Variants in NTM observed in about 807,000 individuals in gnomAD.
NTM encodes the protein neurotrimin, also known as IgLON family member 2.
Under a neutral mutation model 42.1 loss-of-function variants are expected in NTM, and 13 were observed. The ratio of observed to expected loss-of-function variants is 0.31; its 90% confidence interval spans 0.20 to 0.49. NTM has a LOEUF of 0.49. NTM is among the 20% of genes least tolerant of loss of function. The pLI, the probability that NTM is intolerant of heterozygous loss-of-function variation, is 0.99. For synonymous variants in NTM, 187 were observed against 179.2 expected (o/e 1.04, Z -0.35); for missense variants, 373 against 452.8 (o/e 0.82, Z 1.60).
chr11:132,043,319 G>T (rs1264574637), intron 2 of NTM, among the ~76,000 whole-genome samples: 1 of 152,204 alleles, frequency 6.6e-6, no homozygotes, highest in Non-Finnish European at 1.5e-5. Flanking sequence ...TAATGAGTTT[G>T]TCAGAAGCAA....
At chr11:131,913,013 C>A (rs1390672523) in intron 2 of NTM, among the ~76,000 whole-genome samples, 1 of 152,114 alleles carries the variant, frequency 6.6e-6, no homozygotes, top group East Asian at 1.9e-4. Context: ...TGGTGAACTC[C>A]TAGTTATTTG....
intron 2 of NTM, among the ~76,000 whole-genome samples, chr11:132,081,989 G>A (rs988295244): frequency 8.2e-5 from 12 of 146,470 alleles, no homozygotes; most frequent in African/African-American, 3.0e-4. Context: ...GCAATTGCTG[G>A]CACAGAGAAT....
chr11:131,846,408 G>A (rs2044908171), intron 1 of NTM, among the ~76,000 whole-genome samples: 2 of 151,846 alleles, frequency 1.3e-5, no homozygotes, highest in Non-Finnish European at 2.9e-5. Context: ...TATATTCTTT[G>A]GGTTTACTCT....
chr11:131,395,756 G>A (rs574532926), intron 1 of NTM, among the ~76,000 whole-genome samples: 8 of 152,324 alleles, frequency 5.3e-5, no homozygotes, highest in South Asian at 2.1e-4. Context: ...TGGGAATGGC[G>A]TGGTGGGGTT....
At position 131,969,248 on chromosome 11, in the gene NTM, G is replaced by C. The variant is rs189072473; in HGVS notation, c.167+57600G>C. Reference sequence around the variant, plus strand: ...GTTCATGTGTCCTGCAGTTCCTCTTGAGTGAGCACCAAGAAATACTAGCCT... The same window carrying C: ...GTTCATGTGTCCTGCAGTTCCTCTTCAGTGAGCACCAAGAAATACTAGCCT... On this transcript the variant is annotated intron_variant, in intron 2 of 8. Transcript: ENST00000683400. 2.0e-5 allele frequency among the ~76,000 whole-genome samples: 3 copies of C among 152,252 alleles called. No individual in the cohort carries two copies. The East Asian group carries it at 5.8e-4, about 29-fold the overall frequency.
chr11:132,278,962 C>G (rs920877038), intron 4 of NTM, among the ~76,000 whole-genome samples: 2 of 152,146 alleles, frequency 1.3e-5, no homozygotes, highest in African/African-American at 4.8e-5. Flanking sequence ...CTCCTGAGAG[C>G]CAAATCCAAA....
Position 132,212,075 on chromosome 11 carries a change from A to G in NTM, c.454A>G (p.Asn152Asp). The part of the protein sequence containing the change: ...SSDISINEGN[N>D]ISLTCIATGR... ...AGATATCTCCATTAATGAAGGGAAC[A>G]ATATTAGCCTCACCTGCATAGCAAC... Residue 152 changes from asparagine to aspartate, a missense_variant, in exon 4 of 9, where the codon AAT (asparagine) becomes GAT (aspartate). Physicochemically the swap from Asn to Asp is conservative, Grantham distance 23. Around this residue, in one of 3 missense-constraint regions of NTM, gnomAD observed 312 missense variants for 353.5 expected, o/e 0.88. Coordinates refer to ENST00000683400, the MANE Select transcript of NTM (RefSeq NM_001352005.2). 1 of 1,613,634 alleles carries G rather than the reference A, an allele frequency of 6.2e-7. No individual in the cohort carries two copies. The highest frequency in any genetic ancestry group is 1.7e-5 in the Admixed American group (1 of 59,994).
intron 2 of NTM, among the ~76,000 whole-genome samples, chr11:131,929,549 T>C (rs916740215): frequency 6.6e-6 from 1 of 152,174 alleles, no homozygotes; most frequent in Non-Finnish European, 1.5e-5. Flanking sequence ...CTTTGCGTTT[T>C]TGTGTTAGAG....
At position 131,896,679 on chromosome 11, in the gene NTM, CTTTTTTTTTTT is replaced by C. The variant is rs71067345; in HGVS notation, c.83-14872_83-14862del. ...CATGCCAAATGGAGTACATTTTAGG[CTTTTTTTTTTT>C]TTTTTTTTTTTTCTCTGAGACGGAG... is the stretch of plus-strand genomic sequence containing the variant. On this transcript the variant is annotated intron_variant, in intron 1 of 8. Coordinates refer to ENST00000683400, the MANE Select transcript of NTM (RefSeq NM_001352005.2). Among the ~76,000 whole-genome samples the C allele has an allele frequency of 8.9e-5, 9 of 100,610 alleles. No homozygotes were observed. The East Asian group carries it at 1.1e-3, about 12-fold the overall frequency. The allele number at this position is 100,610 out of a possible 152,430, so 66.0% of individuals were successfully genotyped here.
At chr11:132,022,970 C>T (rs2135543730) in intron 2 of NTM, among the ~76,000 whole-genome samples, 1 of 152,254 alleles carries the variant, frequency 6.6e-6, no homozygotes, top group East Asian at 1.9e-4. Flanking sequence ...GCTGATAGGG[C>T]CACGTTGGCT....
intron 1 of NTM, among the ~76,000 whole-genome samples, chr11:131,608,608 C>T (rs1297323373): frequency 2.8e-5 from 4 of 144,658 alleles, no homozygotes; most frequent in Non-Finnish European, 6.2e-5. Flanking sequence ...CCACGGCCCT[C>T]GATTCTAGGC....
intron 1 of NTM, among the ~76,000 whole-genome samples, chr11:131,539,922 C>A (rs12224000): frequency 2.0e-5 from 3 of 152,164 alleles, no homozygotes; most frequent in Non-Finnish European, 4.4e-5. Context: ...GCCCAAGACT[C>A]TTCCAGTTTT....
chr11:131,814,349 C>G (rs1233288338), intron 1 of NTM, among the ~76,000 whole-genome samples: 1 of 152,158 alleles, frequency 6.6e-6, no homozygotes, highest in African/African-American at 2.4e-5. Context: ...AAAGCCCACA[C>G]CTGGCACCAC....
intron 1 of NTM, among the ~76,000 whole-genome samples, chr11:131,605,099 A>T (rs2060828329): frequency 6.6e-6 from 1 of 152,046 alleles, no homozygotes; most frequent in African/African-American, 2.4e-5. Flanking sequence ...TCTGCAAAAA[A>T]AAAAGCCACA....
At chr11:131,613,535 C>T (rs151139038) in intron 1 of NTM, among the ~76,000 whole-genome samples, 2,671 of 152,182 alleles carry the variant, frequency 0.018, 72 homozygotes, top group African/African-American at 0.06. Flanking sequence ...ATAAGACGGG[C>T]GCTTCTTTCA....
At chr11:132,187,766 G>A (rs1338008407) in intron 3 of NTM, among the ~76,000 whole-genome samples, 4 of 152,182 alleles carry the variant, frequency 2.6e-5, no homozygotes, top group South Asian at 2.1e-4. Context: ...TGACAGGAGC[G>A]TGATAGGGTA....
intron 1 of NTM, among the ~76,000 whole-genome samples, chr11:131,509,263 G>A (rs920370543): frequency 3.3e-5 from 5 of 152,176 alleles, no homozygotes; most frequent in Admixed American, 1.3e-4. Context: ...TGGGCTAGAG[G>A]TTTCCCCAAA....
chr11:131,552,832 T>A (rs1034505211), intron 1 of NTM, among the ~76,000 whole-genome samples: 32 of 121,706 alleles, frequency 2.6e-4, no homozygotes, highest in Admixed American at 5.0e-4. Flanking sequence ...AAAAAAAAAA[T>A]AATAGCCTCA....
At chr11:132,136,127 T>C (rs1415112644) in intron 2 of NTM, among the ~76,000 whole-genome samples, 1 of 152,162 alleles carries the variant, frequency 6.6e-6, no homozygotes, top group African/African-American at 2.4e-5. Context: ...CTCTACAGGA[T>C]AGGGACAGAG....
Sources: gnomAD v4.1 joint callset for allele counts (sites outside exome capture counted in the v4.1 genomes callset) on GRCh38, gnomAD v4.1.1 for gene constraint, gnomAD v4.1.1 regional missense constraint, MANE v1.5 for transcripts, NCBI Gene and HGNC (gene_info 2026-07-23, HGNC 2026-07-21) for gene names.